Variants in CAPN8 observed in about 807,000 individuals in gnomAD.
CAPN8 encodes calpain-8.
Under a neutral mutation model 80.9 loss-of-function variants are expected in CAPN8, and 87 were observed. That is an observed-to-expected ratio of 1.07 (90% CI 0.90 to 1.28). CAPN8 has a LOEUF of 1.28. CAPN8 is among the 50% of genes most tolerant of loss of function. CAPN8 has a pLI of 0.00. For synonymous variants in CAPN8, 299 were observed against 273.8 expected (o/e 1.09, Z -0.91); for missense variants, 757 against 702.0 (o/e 1.08, Z -0.89).
At chr1:223,630,582 C>T (rs1657745568) in intron 2 of CAPN8, among the ~76,000 whole-genome samples, 1 of 152,068 alleles carries the variant, frequency 6.6e-6, no homozygotes, top group Non-Finnish European at 1.5e-5. Flanking sequence ...GTGATCCTCC[C>T]ATCTTAGCCT....
intron 10 of CAPN8, chr1:223,615,693 C>T (rs1657149898): frequency 3.7e-6 from 2 of 546,402 alleles, no homozygotes; most frequent in African/African-American, 3.7e-5. Flanking sequence ...GGAAAAGAGT[C>T]TAATGAACAC....
At chr1:223,638,749 A>G (rs1657973721) in intron 2 of CAPN8, among the ~76,000 whole-genome samples, 1 of 152,188 alleles carries the variant, frequency 6.6e-6, no homozygotes, top group African/African-American at 2.4e-5. Flanking sequence ...GCCCACACAC[A>G]CAGTTAGAAC....
intron 16 of CAPN8, among the ~76,000 whole-genome samples, chr1:223,547,608 G>T (rs963779099): frequency 6.6e-6 from 1 of 152,146 alleles, no homozygotes; most frequent in Non-Finnish European, 1.5e-5. Context: ...TACGCTGTAT[G>T]GTGTGTAAAT....
At chr1:223,633,641 G>A (rs556174778) in intron 2 of CAPN8, among the ~76,000 whole-genome samples, 185 of 152,256 alleles carry the variant, frequency 1.2e-3, no homozygotes, top group African/African-American at 4.1e-3. Flanking sequence ...CAGCCTGGAC[G>A]GCAGAGCAAG....
At chr1:223,656,500 T>C (rs1558358113) in intron 1 of CAPN8, among the ~76,000 whole-genome samples, 1 of 151,964 alleles carries the variant, frequency 6.6e-6, no homozygotes, top group Non-Finnish European at 1.5e-5. Flanking sequence ...CTGTTTTTCA[T>C]TGAAAAACTA....
intron 2 of CAPN8, among the ~76,000 whole-genome samples, chr1:223,640,140 C>T (rs931871492): frequency 6.6e-6 from 1 of 152,116 alleles, no homozygotes; most frequent in African/African-American, 2.4e-5. Context: ...TTTTCACCCT[C>T]TGACCTACCT....
At chr1:223,640,117 C>G (rs1200800857) in intron 2 of CAPN8, among the ~76,000 whole-genome samples, 1 of 152,112 alleles carries the variant, frequency 6.6e-6, no homozygotes, top group Non-Finnish European at 1.5e-5. Flanking sequence ...TCTCCCCACC[C>G]CTTGCTAGCA....
intron 10 of CAPN8, chr1:223,615,628 C>G: frequency 2.2e-6 from 1 of 445,166 alleles, no homozygotes; most frequent in Non-Finnish European, 4.5e-6. Context: ...TGTGCCACCT[C>G]AAGTGCCTTA....
chr1:223,639,046 C>T (rs1657980391), intron 2 of CAPN8, among the ~76,000 whole-genome samples: 1 of 152,152 alleles, frequency 6.6e-6, no homozygotes, highest in African/African-American at 2.4e-5. Flanking sequence ...TTGAGACCAG[C>T]CTGGCCAACA....
chr1:223,614,698 G>A (rs1337313967), intron 10 of CAPN8, among the ~76,000 whole-genome samples: 1 of 152,158 alleles, frequency 6.6e-6, no homozygotes, highest in African/African-American at 2.4e-5. Context: ...CAGATTGTGA[G>A]CACCTTGAGG....
chr1:223,645,124 A>G, intron 2 of CAPN8, among the ~76,000 whole-genome samples: 1 of 152,188 alleles, frequency 6.6e-6, no homozygotes, highest in African/African-American at 2.4e-5. Context: ...CACGGGTGTA[A>G]GTCCAAGAGT....
chr1:223,662,035 GA>G (rs1658658575), intron 1 of CAPN8, among the ~76,000 whole-genome samples: 1 of 152,194 alleles, frequency 6.6e-6, no homozygotes. Flanking sequence ...GAATCTTGAG[GA>G]TATTATGCTA....
At chr1:223,622,286 G>C (rs1017630864) in intron 7 of CAPN8, among the ~76,000 whole-genome samples, 1 of 152,170 alleles carries the variant, frequency 6.6e-6, no homozygotes, top group African/African-American at 2.4e-5. Context: ...CAGCAGAGAG[G>C]CCTGCCCAAG....
At chr1:223,609,033 T>C (rs1222761333) in intron 12 of CAPN8, 120 bp downstream of exon 12, 51 of 396,356 alleles carry the variant, frequency 1.3e-4, no homozygotes, top group Admixed American at 4.4e-5. Flanking sequence ...TGTAGTTTCT[T>C]AGAGGCTTCT....
intron 20 of CAPN8, 78 bp from the exon 21 acceptor site, chr1:223,541,937 C>T: frequency 6.5e-7 from 1 of 1,547,748 alleles, no homozygotes; most frequent in Non-Finnish European, 8.7e-7. Flanking sequence ...TCTCCTGCCT[C>T]ACATGGGTGC....
intron 15 of CAPN8, 42 bp downstream of exon 15, chr1:223,550,918 A>G: frequency 1.4e-6 from 1 of 714,496 alleles, no homozygotes; most frequent in Non-Finnish European, 2.6e-6. Context: ...CTGCCCCAGC[A>G]TCTCCTACGG....
intron 17 of CAPN8, 90 bp downstream of exon 17, chr1:223,545,141 A>G: frequency 6.5e-7 from 1 of 1,538,324 alleles, no homozygotes; most frequent in Non-Finnish European, 8.8e-7. Context: ...GACCATGATT[A>G]AGGATGTGGT....
At chr1:223,640,076 C>A (rs1658006982) in intron 2 of CAPN8, among the ~76,000 whole-genome samples, 1 of 152,134 alleles carries the variant, frequency 6.6e-6, no homozygotes, top group Admixed American at 6.6e-5. Flanking sequence ...CCCTTTTCAT[C>A]CTCACTTTCC....
At chr1:223,635,642 T>A (rs1248441575) in intron 2 of CAPN8, among the ~76,000 whole-genome samples, 1 of 140,046 alleles carries the variant, frequency 7.1e-6, no homozygotes, top group African/African-American at 2.7e-5. Flanking sequence ...CTAAAATTCT[T>A]ACTGACTGAA....
Sources: allele counts gnomAD v4.1 joint callset (sites outside exome capture counted in the v4.1 genomes callset), GRCh38; gene constraint gnomAD v4.1.1; transcripts MANE v1.5; gene names NCBI Gene and HGNC (gene_info 2026-07-23, HGNC 2026-07-21).